The following CTNNA1 variants were observed in gnomAD, a reference collection of about 807,000 sequenced individuals.
CTNNA1 encodes catenin alpha-1.
Under a neutral mutation model 98.4 loss-of-function variants are expected in CTNNA1, and 37 were observed. The ratio of observed to expected loss-of-function variants is 0.38; its 90% CI spans 0.29 to 0.49. The LOEUF (loss-of-function observed/expected upper bound fraction) is 0.49, where lower values mean the gene tolerates loss of function less well. Ranked by LOEUF, CTNNA1 falls within the 20% of genes least tolerant of loss-of-function variation. The pLI is 0.95. For missense variants in CTNNA1, 761 were observed against 1,147.2 expected, an observed-to-expected ratio of 0.66 and a Z score of 4.86; for synonymous variants, 404 against 413.2, an observed-to-expected ratio of 0.98 and a Z score of 0.27.
chr5:138,852,716 C>T (rs998226651), intron 7 of CTNNA1, among the ~76,000 whole-genome samples: 4 of 150,652 alleles, frequency 2.7e-5, no homozygotes, highest in Admixed American at 6.6e-5. Flanking sequence ...CCCCTGATTT[C>T]CCTCCTTCCC....
At chr5:138,870,207 G>A (rs1035373246) in intron 7 of CTNNA1, 1 of 152,216 alleles carries the variant, frequency 6.6e-6, no homozygotes, top group African/African-American at 2.4e-5. Flanking sequence ...CTGTGATGCT[G>A]TTCCGTTCTA....
chr5:138,810,328 AG>A, intron 4 of CTNNA1, 124 bp downstream of exon 4: 1 of 1,033,172 alleles, frequency 9.7e-7, no homozygotes, highest in South Asian at 1.6e-5. Flanking sequence ...AATGGACCAG[AG>A]ATGTTTTTGT....
intron 13 of CTNNA1, among the ~76,000 whole-genome samples, chr5:138,928,410 A>G (rs951702882): frequency 4.6e-5 from 7 of 152,204 alleles, no homozygotes; most frequent in African/African-American, 1.4e-4. Flanking sequence ...ATGAAAGTCA[A>G]AAGAATACTT....
At chr5:138,814,145 A>C (rs1336955083) in intron 5 of CTNNA1, among the ~76,000 whole-genome samples, 2 of 152,228 alleles carry the variant, frequency 1.3e-5, no homozygotes, top group African/African-American at 4.8e-5. Flanking sequence ...AGATGTGATC[A>C]GACTAACTTA....
intron 5 of CTNNA1, among the ~76,000 whole-genome samples, chr5:138,819,077 G>C (rs1186186845): frequency 1.3e-5 from 2 of 151,952 alleles, no homozygotes; most frequent in African/African-American, 4.8e-5. Flanking sequence ...TGATTGGGAA[G>C]AAGGGGTGCT....
At chr5:138,912,034 C>T (rs1238336208) in intron 10 of CTNNA1, among the ~76,000 whole-genome samples, 1 of 152,190 alleles carries the variant, frequency 6.6e-6, no homozygotes, top group Non-Finnish European at 1.5e-5. Context: ...GCCTATTAGA[C>T]ATGCAAGATG....
intron 7 of CTNNA1, among the ~76,000 whole-genome samples, chr5:138,831,254 A>G (rs1761249542): frequency 6.6e-6 from 1 of 152,174 alleles, no homozygotes; most frequent in Non-Finnish European, 1.5e-5. Context: ...TTAACTTTGG[A>G]TGCACATTAC....
intron 3 of CTNNA1, among the ~76,000 whole-genome samples, chr5:138,801,096 C>G (rs547549306): frequency 4.6e-5 from 7 of 152,338 alleles, no homozygotes; most frequent in Admixed American, 4.6e-4. Context: ...AGATGATTAG[C>G]ATCGCATGCA....
intron 9 of CTNNA1, among the ~76,000 whole-genome samples, chr5:138,903,670 A>G (rs1415558696): frequency 6.6e-6 from 1 of 152,200 alleles, no homozygotes; most frequent in Non-Finnish European, 1.5e-5. Flanking sequence ...TTTCGGTTCA[A>G]ATTAAGCCGC....
At chr5:138,922,544 A>T (rs1763132881) in intron 11 of CTNNA1, among the ~76,000 whole-genome samples, 2 of 152,242 alleles carry the variant, frequency 1.3e-5, no homozygotes, top group South Asian at 4.1e-4. Context: ...TTAGAAGCAC[A>T]CCTATAAATA....
chr5:138,855,131 C>T (rs927495471), intron 7 of CTNNA1, among the ~76,000 whole-genome samples: 8 of 152,172 alleles, frequency 5.3e-5, no homozygotes, highest in African/African-American at 1.4e-4. Flanking sequence ...CTCCGCCTCC[C>T]GGGTTCAAGC....
chr5:138,787,002 A>G (rs553636755), intron 3 of CTNNA1, among the ~76,000 whole-genome samples: 3 of 152,354 alleles, frequency 2.0e-5, no homozygotes, highest in African/African-American at 7.2e-5. Context: ...AAAATATGCC[A>G]TCCACTGAAA....
At chr5:138,842,661 T>C (rs1762372368) in intron 7 of CTNNA1, among the ~76,000 whole-genome samples, 1 of 152,202 alleles carries the variant, frequency 6.6e-6, no homozygotes, top group Non-Finnish European at 1.5e-5. Context: ...ATGATGACCT[T>C]GAGCAGTAGG....
At chr5:138,765,101 C>T (rs905305426) in intron 1 of CTNNA1, among the ~76,000 whole-genome samples, 2 of 151,878 alleles carry the variant, frequency 1.3e-5, no homozygotes, top group African/African-American at 4.8e-5. Context: ...AGTGCAATGG[C>T]ATGATCTCGG....
chr5:138,815,970 T>C (rs1759389868), intron 5 of CTNNA1, among the ~76,000 whole-genome samples: 3 of 152,328 alleles, frequency 2.0e-5, no homozygotes, highest in Middle Eastern at 6.8e-3. Flanking sequence ...GAAACTTCAT[T>C]ATTTCTTTTG....
chr5:138,801,100 G>T (rs918154654), intron 3 of CTNNA1, among the ~76,000 whole-genome samples: 1 of 152,134 alleles, frequency 6.6e-6, no homozygotes, highest in South Asian at 2.1e-4. Flanking sequence ...GATTAGCATC[G>T]CATGCAGATG....
chr5:138,873,147 G>A lies in CTNNA1; in HGVS notation c.1063-13065G>A. On this transcript the variant is annotated intron_variant, in intron 7 of 17. Transcript: ENST00000302763. The surrounding 1 kb of genome is among the most constrained non-coding windows in gnomAD (Gnocchi z 6.1). ...TCTGACATGTTTGACATATGGAGTC[G>A]TGTTTGGGATCGGAGCTGCCTGTGG... The A allele has an allele frequency of 2.5e-6, 4 of 1,613,992 alleles. No individual in the cohort carries two copies. Among genetic ancestry groups the A allele is most frequent in the African/African-American group, 1.3e-5 (1 of 75,042 alleles).
At chr5:138,876,169 G>GCC (rs1383973886) in intron 7 of CTNNA1, among the ~76,000 whole-genome samples, 1 of 152,118 alleles carries the variant, frequency 6.6e-6, no homozygotes, top group Non-Finnish European at 1.5e-5. Context: ...TTCTGACATG[G>GCC]CCCCTTGTAT....
At chr5:138,769,718 A>G (rs1753324870) in intron 1 of CTNNA1, among the ~76,000 whole-genome samples, 2 of 151,572 alleles carry the variant, frequency 1.3e-5, no homozygotes, top group Admixed American at 1.3e-4. Context: ...TTTTTAGTGG[A>G]GACAGGGTTT....
Sources: allele counts gnomAD v4.1 joint callset (sites outside exome capture counted in the v4.1 genomes callset), GRCh38; gene constraint gnomAD v4.1.1; non-coding constraint Gnocchi (gnomAD v3.1); transcripts MANE v1.5; gene names NCBI Gene and HGNC (gene_info 2026-07-23, HGNC 2026-07-21).